Variants in WDR36 observed in about 807,000 individuals in gnomAD.
The protein encoded by WDR36 is WD repeat-containing protein 36.
A neutral mutation model predicts 112.7 loss-of-function variants in WDR36; 63 were observed. The ratio of observed to expected loss-of-function variants is 0.56; its 90% CI spans 0.46 to 0.69. The LOEUF (loss-of-function observed/expected upper bound fraction) is 0.69. Ranked by LOEUF, WDR36 falls within the 30% of genes least tolerant of loss-of-function variation. The pLI is 0.00. For missense variants in WDR36, 1,226 were observed against 1,070.3 expected (o/e 1.15, Z -2.03); for synonymous variants, 410 against 362.2 (o/e 1.13, Z -1.50).
At chr5:111,095,780 G>A (rs895837429) in intron 2 of WDR36, among the ~76,000 whole-genome samples, 1 of 152,116 alleles carries the variant, frequency 6.6e-6, no homozygotes, top group African/African-American at 2.4e-5. Flanking sequence ...ATTTTCTTTT[G>A]CCATCATTCC....
chr5:111,102,239 A>G (rs970560580), intron 5 of WDR36, 106 bp from the exon 6 acceptor site: 1 of 841,296 alleles, frequency 1.2e-6, no homozygotes, highest in African/African-American at 1.7e-5. Flanking sequence ...AAGAGTAAGA[A>G]CTTAATAAAT....
intron 2 of WDR36, among the ~76,000 whole-genome samples, chr5:111,096,255 G>A (rs1340038713): frequency 6.6e-6 from 1 of 152,184 alleles, no homozygotes; most frequent in African/African-American, 2.4e-5. Flanking sequence ...GGAGAAGACT[G>A]TAGAAACAAT....
rs895926697 is a variant in WDR36 at position 111,110,837 on chromosome 5, G to C, written c.1491G>C (p.Leu497Phe). 1.2e-6 allele frequency: 2 copies of C among 1,611,306 alleles called. No individual in the cohort carries two copies. Among genetic ancestry groups the C allele is most frequent in the East Asian group, 4.5e-5 (2 of 44,814 alleles). The change falls in exon 14 of 23, where the codon TTG (leucine) becomes TTC (phenylalanine). Residue 497 changes from leucine (L) to phenylalanine (F), a missense_variant. Coordinates refer to ENST00000513710, the MANE Select transcript of WDR36 (RefSeq NM_139281.3). ...RGVAVDGLNQ[L>F]TVTTGSEGLL... is the part of the protein sequence containing the mutation. ...TCGCAGTGGATGGATTAAACCAGTTGACAGTTACAACTGGTAGTGAAGGAT... is the reference window on the plus strand; with the variant it reads ...TCGCAGTGGATGGATTAAACCAGTTCACAGTTACAACTGGTAGTGAAGGAT...
chr5:111,096,949 G>T (rs2112564465), intron 2 of WDR36, 130 bp from the exon 3 acceptor site: 1 of 649,330 alleles, frequency 1.5e-6, no homozygotes, highest in South Asian at 1.8e-5. Context: ...TTTATACACT[G>T]ATTCTCAACT....
At position 111,098,769 on chromosome 5, in the gene WDR36, A is replaced by G. The variant is rs186048062; in HGVS notation, c.339A>G (p.Gln113=). The G allele has an allele frequency of 1.2e-6, 2 of 1,612,938 alleles. No individual in the cohort carries two copies. Among genetic ancestry groups the G allele is most frequent in the South Asian group, 1.1e-5 (1 of 91,058 alleles). ...KGHKAEIHFL[Q]PFGDHIISVD... ...ATAAGGCAGAAATCCATTTCTTGCA[A>G]CCCTTTGGAGACCACATTATCTCTG... Residue 113 remains glutamine, a synonymous_variant, in exon 4 of 23, where the codon CAA becomes CAG. Coordinates refer to ENST00000513710, the MANE Select transcript of WDR36 (RefSeq NM_139281.3).
intron 9 of WDR36, 94 bp from the exon 10 acceptor site, chr5:111,105,201 C>A: frequency 7.4e-7 from 1 of 1,351,502 alleles, no homozygotes; most frequent in Non-Finnish European, 1.1e-6. Context: ...ACTGTAACTT[C>A]AAGATTTTCA....
At chr5:111,093,860 T>G (rs1752918998) in intron 1 of WDR36, among the ~76,000 whole-genome samples, 1 of 152,224 alleles carries the variant, frequency 6.6e-6, no homozygotes, top group East Asian at 1.9e-4. Context: ...TACTGTGTGT[T>G]GACATTTAGT....
Position 111,113,126 on chromosome 5 carries a change from T to C in WDR36, c.1769T>C (p.Ile590Thr), listed in dbSNP as rs1482725899. ...WLISAAMDCSIRTWDLPSGCL... is the reference protein window; with the variant it reads ...WLISAAMDCSTRTWDLPSGCL... ...ATAAGTGCTGCGATGGATTGCTCTA[T>C]TAGGACTTGGGACCTTCCTTCTGGG... is the stretch of plus-strand genomic sequence containing the variant. Residue 590 changes from isoleucine to threonine, a missense_variant, in exon 16 of 23, where the codon ATT becomes ACT. Physicochemically the swap from Ile to Thr is moderately conservative, Grantham distance 89 (BLOSUM62 -1). Transcript: ENST00000513710. The C allele has an allele frequency of 1.3e-6, 2 of 1,591,508 alleles. No homozygotes were observed. Among genetic ancestry groups the C allele is most frequent in the East Asian group, 4.6e-5 (2 of 43,686 alleles).
chr5:111,100,011 G>C (rs535530025), intron 4 of WDR36, among the ~76,000 whole-genome samples: 9 of 151,944 alleles, frequency 5.9e-5, no homozygotes, highest in African/African-American at 2.2e-4. Flanking sequence ...TTTTATCTTG[G>C]AGCAAGTGAC....
At chr5:111,117,320 A>G (rs1219008575) in intron 16 of WDR36, among the ~76,000 whole-genome samples, 1 of 152,046 alleles carries the variant, frequency 6.6e-6, no homozygotes, top group Non-Finnish European at 1.5e-5. Context: ...TAAGGTTTAC[A>G]TTTTTATTGG....
Position 111,127,994 on chromosome 5 carries a change from A to T in WDR36, c.*1111A>T, listed in dbSNP as rs181284021. The T allele has an allele frequency of 5.1e-6, 1 of 196,432 alleles. No individual in the cohort carries two copies. Among genetic ancestry groups the T allele is most frequent in the African/African-American group, 2.4e-5 (1 of 42,466 alleles). 12.2% of individuals were successfully genotyped at this position (196,432 alleles called of 1,614,324 possible). On this transcript the variant is annotated 3_prime_UTR_variant, in exon 23 of 23. Transcript: ENST00000513710. ...TTAATTTGGGAAGAAAATGCTGAGT[A>T]TACTTTTCTTTCACAACCATTGCAA... is the stretch of plus-strand genomic sequence containing the variant.
chr5:111,105,733 T>G (rs1319891614), intron 10 of WDR36, among the ~76,000 whole-genome samples: 4 of 151,668 alleles, frequency 2.6e-5, no homozygotes, highest in African/African-American at 9.6e-5. Context: ...TTATTCTCTT[T>G]CCCTTTTCAT....
At chr5:111,106,628 A>G (rs1196124070) in intron 11 of WDR36, among the ~76,000 whole-genome samples, 2 of 151,456 alleles carry the variant, frequency 1.3e-5, no homozygotes, top group Non-Finnish European at 3.0e-5. Flanking sequence ...CACCATTTCT[A>G]TTTGAAAGTT....
At chr5:111,096,934 A>G (rs1561700745) in intron 2 of WDR36, 145 bp from the exon 3 acceptor site, 1 of 604,676 alleles carries the variant, frequency 1.7e-6, no homozygotes, top group Non-Finnish European at 2.9e-6. Context: ...TATTTTAGTT[A>G]AAATTTTATA....
chr5:111,115,966 C>G (rs6880351), intron 16 of WDR36, among the ~76,000 whole-genome samples: 80,384 of 151,636 alleles, frequency 0.53, 22,178 homozygotes, highest in South Asian at 0.68. Context: ...TTTCTGAGAC[C>G]AAGTCTTGCT....
At chr5:111,123,681 T>A (rs1411839761) in intron 19 of WDR36, 124 bp from the exon 20 acceptor site, 1 of 1,273,638 alleles carries the variant, frequency 7.9e-7, no homozygotes, top group Non-Finnish European at 1.1e-6. Flanking sequence ...TTAACATTCT[T>A]ATGTGAAAGA....
chr5:111,097,427 T>A (rs1760538273), intron 3 of WDR36, among the ~76,000 whole-genome samples: 1 of 152,208 alleles, frequency 6.6e-6, no homozygotes, highest in Admixed American at 6.5e-5. Context: ...TCTTCAAAAT[T>A]TTTTATGCCG....
chr5:111,129,256 A>G lies in WDR36; in HGVS notation c.*2373A>G, dbSNP rs375743173. ...ACATATAAGGCTCTCTCTGTGGTATATGCTTAGGATTTGAATTTCAGGCCA... is the reference window on the plus strand; with the variant it reads ...ACATATAAGGCTCTCTCTGTGGTATGTGCTTAGGATTTGAATTTCAGGCCA... On this transcript the variant is annotated 3_prime_UTR_variant, in exon 23 of 23. Transcript: ENST00000513710. 7 of 196,250 alleles carry G rather than the reference A, an allele frequency of 3.6e-5. 1 individual carries two copies. Among genetic ancestry groups the G allele is most frequent in the Admixed American group, 1.2e-4 (2 of 16,468 alleles). 12.2% of individuals were successfully genotyped at this position (196,250 alleles called of 1,614,324 possible).
chr5:111,126,614 C>T (rs375069546), intron 22 of WDR36, 120 bp from the exon 23 acceptor site: 38 of 1,131,118 alleles, frequency 3.4e-5, no homozygotes, highest in Admixed American at 2.7e-4. Context: ...AATAAACCAG[C>T]GCTTAAGAAA....
Sources: allele counts gnomAD v4.1 joint callset (sites outside exome capture counted in the v4.1 genomes callset), GRCh38; gene constraint gnomAD v4.1.1; transcripts MANE v1.5; gene names NCBI Gene and HGNC (gene_info 2026-07-23, HGNC 2026-07-21).